Variants in ARFGAP2 observed in about 807,000 individuals in gnomAD.
ARFGAP2 encodes the protein ARF GTPase activating protein 2.
A neutral mutation model predicts 71.9 loss-of-function variants in ARFGAP2; 45 were observed. The ratio of observed to expected loss-of-function variants is 0.63; its 90% CI spans 0.49 to 0.80. ARFGAP2 has a LOEUF of 0.80. Among genes scored for constraint, ARFGAP2 ranks in the 30% least tolerant of loss-of-function variants. The pLI is 0.00. For missense variants in ARFGAP2, 633 were observed against 673.9 expected (o/e 0.94, Z 0.67); for synonymous variants, 248 against 249.2 (o/e 1.00, Z 0.05).
Position 47,168,104 on chromosome 11 carries a change from A to G in ARFGAP2, c.1070+19T>C. On this transcript the variant is annotated intron_variant, in intron 11 of 15. Coordinates refer to ENST00000524782, the MANE Select transcript of ARFGAP2 (RefSeq NM_032389.6). ...TGAGGAACACAGCAGCCAAGTTTAC[A>G]GCTAGAAAACAGCCTTACTTTGGGG... The G allele has an allele frequency of 6.2e-7, 1 of 1,614,232 alleles. No homozygotes were observed. Among genetic ancestry groups the G allele is most frequent in the Non-Finnish European group, 8.5e-7 (1 of 1,180,048 alleles).
Position 47,173,917 on chromosome 11 carries a change from T to C in ARFGAP2, c.481-77A>G, listed in dbSNP as rs765536071. On this transcript the variant is annotated intron_variant, in intron 5 of 15. Coordinates refer to ENST00000524782, the MANE Select transcript of ARFGAP2 (RefSeq NM_032389.6). The stretch of plus-strand genomic sequence containing the variant: ...AGAAGCACCAAGACCTACAAGCACC[T>C]TGTGGACAAGAAATCATACTCCAAA... The C allele has an allele frequency of 1.4e-5, 22 of 1,545,288 alleles. 1 individual carries two copies. In the Admixed American group the frequency reaches 1.6e-4, roughly 11 times the overall value.
chr11:47,175,982 C>G, intron 2 of ARFGAP2, 59 bp from the exon 3 acceptor site: 1 of 1,577,520 alleles, frequency 6.3e-7, no homozygotes, highest in Non-Finnish European at 8.7e-7. Flanking sequence ...TCCCTGGCAA[C>G]CCGGATACCT....
intron 7 of ARFGAP2, among the ~76,000 whole-genome samples, chr11:47,172,535 T>C (rs1220161620): frequency 4.0e-5 from 6 of 151,804 alleles, no homozygotes; most frequent in Non-Finnish European, 1.5e-5. Flanking sequence ...CCCAGCAGAG[T>C]GAGACAGGAA....
chr11:47,174,840 T>C, intron 5 of ARFGAP2, 175 bp downstream of exon 5: 2 of 692,354 alleles, frequency 2.9e-6, no homozygotes, highest in Non-Finnish European at 5.0e-6. Flanking sequence ...TGCACCTCCA[T>C]TTATGGAGGA....
At chr11:47,171,988 G>T in intron 8 of ARFGAP2, 188 bp from the exon 9 acceptor site, 1 of 923,374 alleles carries the variant, frequency 1.1e-6, no homozygotes, top group Non-Finnish European at 1.6e-6. Context: ...GGCTCACACA[G>T]CCCCAGCAGA....
In ARFGAP2 at chr11:47,173,848, G is replaced by A; in HGVS notation, c.481-8C>T. The A allele has an allele frequency of 6.3e-7, 1 of 1,593,278 alleles. No individual in the cohort carries two copies. Among genetic ancestry groups the A allele is most frequent in the Non-Finnish European group, 8.5e-7 (1 of 1,170,354 alleles). On this transcript the variant is annotated splice_polypyrimidine_tract_variant and splice_region_variant and intron_variant, in intron 5 of 15. Coordinates refer to ENST00000524782, the MANE Select transcript of ARFGAP2 (RefSeq NM_032389.6). Reference sequence around the variant, plus strand: ...CGCATCCCAGGCAGGGGGCTGAAAAGGAGGCCAGATCACAGATGCCTCGGT... The same window carrying A: ...CGCATCCCAGGCAGGGGGCTGAAAAAGAGGCCAGATCACAGATGCCTCGGT...
At chr11:47,168,720 G>A (rs575369882) in intron 10 of ARFGAP2, 30 of 159,650 alleles carry the variant, frequency 1.9e-4, no homozygotes, top group African/African-American at 3.8e-4. Context: ...ACAGGGTTTC[G>A]CCACATTGCC....
At chr11:47,173,389 T>C in intron 7 of ARFGAP2, 37 bp downstream of exon 7, 1 of 1,551,470 alleles carries the variant, frequency 6.4e-7, no homozygotes, top group Non-Finnish European at 8.7e-7. Context: ...GTCCACCCTC[T>C]CCCAGACACC....
At chr11:47,173,108 G>A (rs776740096) in intron 7 of ARFGAP2, 1 of 424,914 alleles carries the variant, frequency 2.4e-6, no homozygotes, top group Non-Finnish European at 4.4e-6. Flanking sequence ...AGACAAGCCA[G>A]CCCTGCCTCA....
Position 47,175,326 on chromosome 11 carries a change from G to C in ARFGAP2, c.265-13C>G, listed in dbSNP as rs756074438. On this transcript the variant is annotated splice_polypyrimidine_tract_variant and intron_variant, in intron 3 of 15. Transcript: ENST00000524782. Reference sequence around the variant, plus strand: ...GAAAAAAAGCCGTCTGGAGAGCAAAGAAGAGAGCAGCGCGTGCTACGGGTG... The same window carrying C: ...GAAAAAAAGCCGTCTGGAGAGCAAACAAGAGAGCAGCGCGTGCTACGGGTG... 1 of 1,613,962 alleles carries C rather than the reference G, an allele frequency of 6.2e-7. No individual in the cohort carries two copies. Among genetic ancestry groups the C allele is most frequent in the South Asian group, 1.1e-5 (1 of 91,016 alleles).
chr11:47,173,377 A>G, intron 7 of ARFGAP2, 49 bp downstream of exon 7: 1 of 1,548,330 alleles, frequency 6.5e-7, no homozygotes, highest in Non-Finnish European at 8.7e-7. Context: ...AGAACATTTG[A>G]GGTCCACCCT....
Position 47,166,254 on chromosome 11 carries a change from C to G in ARFGAP2, c.1545+14G>C, listed in dbSNP as rs769021996. 1 of 1,613,500 alleles carries G rather than the reference C, an allele frequency of 6.2e-7. No individual in the cohort carries two copies. Among genetic ancestry groups the G allele is most frequent in the African/African-American group, 1.3e-5 (1 of 74,924 alleles). On this transcript the variant is annotated intron_variant, in intron 15 of 15. Transcript: ENST00000524782. Reference sequence around the variant, plus strand: ...CCTCCCAGCACTCCTCATTAGGCCCCACTTCAGCCTCACCTGCAAGGAATT... The same window carrying G: ...CCTCCCAGCACTCCTCATTAGGCCCGACTTCAGCCTCACCTGCAAGGAATT...
intron 7 of ARFGAP2, 147 bp from the exon 8 acceptor site, chr11:47,172,480 C>T (rs1429789428): frequency 1.6e-5 from 18 of 1,124,354 alleles, no homozygotes; most frequent in East Asian, 7.2e-5. Context: ...CTCCAACCAG[C>T]GGTGTCAAAG....
rs1182378337 is a variant in ARFGAP2, at chr11:47,175,233, C to T, written c.345G>A (p.Arg115=). ...CACTCCCCAGCTGCCGGATCTTCTC[C>T]CGGTACATCTGGGCAGCTCGGCTAT... ...KYNSRAAQMY[R]EKIRQLGSAA... is the part of the protein sequence containing the mutation. Residue 115 remains arginine, a synonymous_variant, in exon 4 of 16, where the codon CGG becomes CGA. Transcript: ENST00000524782. 6.2e-7 allele frequency: 1 copy of T among 1,614,130 alleles called. No individual in the cohort carries two copies. The highest frequency in any genetic ancestry group is 8.5e-7 in the Non-Finnish European group (1 of 1,180,016).
At chr11:47,174,611 G>A (rs1284439229) in intron 5 of ARFGAP2, 1 of 171,978 alleles carries the variant, frequency 5.8e-6, no homozygotes, top group Non-Finnish European at 1.3e-5. Flanking sequence ...TAGCCAGGAT[G>A]GTCTCGATCT....
intron 8 of ARFGAP2, 188 bp downstream of exon 8, chr11:47,172,093 C>G (rs1009452581): frequency 1.3e-6 from 1 of 751,596 alleles, no homozygotes; most frequent in Middle Eastern, 3.4e-4. Flanking sequence ...ACCGACTCCT[C>G]CCAGCAGCCC....
At chr11:47,167,818 G>C in intron 12 of ARFGAP2, 91 bp downstream of exon 12, 1 of 1,425,632 alleles carries the variant, frequency 7.0e-7, no homozygotes, top group East Asian at 2.5e-5. Context: ...AACACAGAAA[G>C]TTCTTCTAGA....
chr11:47,172,206 T>A, intron 8 of ARFGAP2, 75 bp downstream of exon 8: 4 of 1,431,962 alleles, frequency 2.8e-6, no homozygotes, highest in Non-Finnish European at 3.9e-6. Context: ...TGGTAAGTGG[T>A]AAGGTCAAGG....
At chr11:47,174,957 G>A (rs908946148) in intron 5 of ARFGAP2, 58 bp downstream of exon 5, 3 of 1,561,640 alleles carry the variant, frequency 1.9e-6, no homozygotes, top group Non-Finnish European at 2.6e-6. Flanking sequence ...GAAGGCCTGG[G>A]CCTTGGTAAA....
Sources: gnomAD v4.1 joint callset for allele counts (sites outside exome capture counted in the v4.1 genomes callset) on GRCh38, gnomAD v4.1.1 for gene constraint, MANE v1.5 for transcripts, NCBI Gene and HGNC (gene_info 2026-07-23, HGNC 2026-07-21) for gene names.